The following ZNF254 variants were observed in gnomAD, a reference collection of about 807,000 sequenced individuals.
ZNF254 encodes the protein zinc finger protein 254.
A neutral mutation model predicts 12.4 loss-of-function variants in ZNF254; 10 were observed. The observed-to-expected ratio is 0.80, with a 90% CI of 0.50 to 1.36. The LOEUF is 1.36. ZNF254 is among the 40% of genes most tolerant of loss of function. The probability of loss-of-function intolerance (pLI) is 0.00; values close to 1 mark genes in which losing one functional copy is unlikely to be tolerated. For missense variants in ZNF254, 996 were observed against 763.9 expected (o/e 1.30, Z -3.58); for synonymous variants, 305 against 253.4 (o/e 1.20, Z -1.93).
At chr19:24,036,440 G>A (rs1014643038) in intron 1 of ZNF254, among the ~76,000 whole-genome samples, 2 of 152,088 alleles carry the variant, frequency 1.3e-5, no homozygotes, top group South Asian at 4.1e-4. Flanking sequence ...CAGTTTATAG[G>A]AACTGGCTCA....
intron 2 of ZNF254, among the ~76,000 whole-genome samples, chr19:24,059,331 T>G (rs367899124): frequency 3.3e-5 from 5 of 152,106 alleles, no homozygotes; most frequent in East Asian, 3.9e-4. Context: ...ATATGGGGAT[T>G]GTGATATATT....
At chr19:24,084,679 G>A (rs1012289459), upstream of ZNF254, among the ~76,000 whole-genome samples, 3 of 152,048 alleles carry the variant, frequency 2.0e-5, no homozygotes, top group African/African-American at 7.2e-5. Flanking sequence ...CCAGAATAGA[G>A]TGCAGTGGCT....
chr19:24,058,405 CTTTCTTTCTTTT>C (rs1021318476), intron 2 of ZNF254, among the ~76,000 whole-genome samples: 3 of 112,298 alleles, frequency 2.7e-5, no homozygotes, highest in African/African-American at 8.6e-5. Flanking sequence ...TTCTTTCTTT[CTTTCTTTCTTTT>C]TTTTTTTTTT....
chr19:24,128,699 C>A lies in ZNF254; in HGVS notation c.*719C>A, dbSNP rs1975057698. The A allele has an allele frequency of 2.6e-5, 4 of 151,924 alleles. No individual in the cohort carries two copies. 9.4% of individuals were successfully genotyped at this position (151,924 alleles called of 1,614,324 possible). A position where few individuals can be genotyped will look rare whatever the true frequency, so the allele number is the denominator to read the frequency against. On this transcript the variant is annotated 3_prime_UTR_variant, in exon 4 of 4. Transcript: ENST00000357002. ...ACATTAAATATGAAAGATATTCAAT[C>A]CAAAATTAAGTCTATGTAAATATCA...
chr19:24,041,999 C>T (rs1405546519), intron 1 of ZNF254, among the ~76,000 whole-genome samples: 2 of 138,994 alleles, frequency 1.4e-5, no homozygotes, highest in African/African-American at 2.6e-5. Context: ...GTGCACCAGT[C>T]GACACTCTGT....
intron 2 of ZNF254, chr19:24,078,343 G>A (rs1971733283): frequency 6.6e-6 from 1 of 152,074 alleles, no homozygotes; most frequent in Non-Finnish European, 1.5e-5. Context: ...TTTACTTTCT[G>A]ACTAGCAGTC....
At chr19:24,055,338 G>A (rs999264767) in intron 2 of ZNF254, among the ~76,000 whole-genome samples, 2 of 151,324 alleles carry the variant, frequency 1.3e-5, no homozygotes, top group African/African-American at 4.9e-5. Context: ...GGAGTGCAGT[G>A]GCGCGATCTC....
chr19:24,118,208 C>G (rs1483393906), intron 3 of ZNF254, among the ~76,000 whole-genome samples: 1 of 151,906 alleles, frequency 6.6e-6, no homozygotes, highest in African/African-American at 2.4e-5. Context: ...CACGTGCCAC[C>G]ACATCTGGCT....
chr19:24,048,917 C>G (rs909123614), intron 2 of ZNF254: 35 of 151,892 alleles, frequency 2.3e-4, no homozygotes, highest in African/African-American at 8.2e-4. Flanking sequence ...TTTTGCATAT[C>G]TTGCTTTTTA....
At chr19:24,105,912 A>G in intron 1 of ZNF254, 28 bp from the exon 2 acceptor site, 1 of 1,574,658 alleles carries the variant, frequency 6.4e-7, no homozygotes, top group Non-Finnish European at 8.7e-7. Context: ...CCACTTTGTA[A>G]ATATGTGTGT....
chr19:24,087,474 A>G (rs1328872657), intron 1 of ZNF254, 137 bp downstream of exon 1: 5 of 1,113,632 alleles, frequency 4.5e-6, no homozygotes, highest in Non-Finnish European at 6.7e-6. Context: ...TCCCCTTCAG[A>G]AATAAGATGG....
intron 1 of ZNF254, among the ~76,000 whole-genome samples, chr19:24,096,054 TAG>T (rs1972649704): frequency 6.7e-6 from 1 of 150,230 alleles, no homozygotes; most frequent in Non-Finnish European, 1.5e-5. Flanking sequence ...TGTTGTTTTT[TAG>T]TTCTTTTTTT....
At chr19:24,049,954 G>A (rs748386588) in intron 2 of ZNF254, among the ~76,000 whole-genome samples, 5 of 151,750 alleles carry the variant, frequency 3.3e-5, no homozygotes, top group Non-Finnish European at 7.4e-5. Flanking sequence ...TGCCCACAGG[G>A]GATATTGTGA....
In ZNF254 at chr19:24,126,787, G is replaced by C; in HGVS notation, c.787G>C (p.Glu263Gln). 1.2e-6 allele frequency: 2 copies of C among 1,613,242 alleles called. No homozygotes were observed. The highest frequency in any genetic ancestry group is 2.2e-5 in the South Asian group (2 of 91,010). ...TACACATGAAATAATTCATGCTGGA[G>C]AGAAACTCTACAAATGTGAAGAATG... ...LTTHEIIHAG[E>Q]KLYKCEECGE... Residue 263 changes from glutamate (E) to glutamine (Q), a missense_variant, in exon 4 of 4, where the codon GAG becomes CAG. Transcript: ENST00000357002.
chr19:24,055,605 C>T (rs559466456), intron 2 of ZNF254, among the ~76,000 whole-genome samples: 10 of 152,148 alleles, frequency 6.6e-5, no homozygotes, highest in African/African-American at 2.4e-4. Context: ...TATGAACACC[C>T]ATCAAAAAGT....
chr19:24,104,638 C>T (rs1228627061), intron 1 of ZNF254: 2 of 152,132 alleles, frequency 1.3e-5, no homozygotes, highest in Non-Finnish European at 2.9e-5. Context: ...AGAATCTTCT[C>T]TACATCATGG....
intron 1 of ZNF254, among the ~76,000 whole-genome samples, chr19:24,101,957 G>C (rs900219052): frequency 1.3e-5 from 2 of 152,148 alleles, no homozygotes; most frequent in Admixed American, 6.6e-5. Context: ...CTGGTACTTG[G>C]GTAAAAACAA....
At chr19:24,090,120 C>G (rs2145661967) in intron 1 of ZNF254, among the ~76,000 whole-genome samples, 1 of 151,518 alleles carries the variant, frequency 6.6e-6, no homozygotes, top group South Asian at 2.1e-4. Context: ...ATCAGTTGAA[C>G]CTCAGAGGCG....
chr19:24,068,152 G>A (rs938599700), intron 2 of ZNF254, among the ~76,000 whole-genome samples: 6 of 152,150 alleles, frequency 3.9e-5, no homozygotes, highest in African/African-American at 1.4e-4. Flanking sequence ...TCACCTACAT[G>A]CACCATGCAC....
Sources: gnomAD v4.1 joint callset for allele counts (sites outside exome capture counted in the v4.1 genomes callset) on GRCh38, gnomAD v4.1.1 for gene constraint, MANE v1.5 for transcripts, NCBI Gene and HGNC (gene_info 2026-07-23, HGNC 2026-07-21) for gene names.